CD36: variants seen among roughly 807,000 people sequenced by gnomAD.
The protein encoded by CD36 is CD36 molecule (CD36 blood group), also known as platelet glycoprotein 4.
In CD36, 119 loss-of-function variants were observed where a neutral mutation model predicts 55.2. The ratio of observed to expected loss-of-function variants is 2.15; its 90% confidence interval spans 1.86 to 2.51. The LOEUF (loss-of-function observed/expected upper bound fraction) is 2.51. CD36 is among the 30% of genes most tolerant of loss of function. CD36 has a pLI of 0.00. For missense variants in CD36, 819 were observed against 555.5 expected (o/e 1.47, Z -4.77); for synonymous variants, 186 against 193.6 (o/e 0.96, Z 0.33).
chr7:80,608,465 C>T (rs1181494964), intron 1 of CD36, among the ~76,000 whole-genome samples: 1 of 152,140 alleles, frequency 6.6e-6, no homozygotes, highest in East Asian at 1.9e-4. Context: ...AACATGCCTA[C>T]CTCATAGGGT....
chr7:80,604,800 A>C (rs1426382441), intron 1 of CD36, among the ~76,000 whole-genome samples: 3 of 152,114 alleles, frequency 2.0e-5, no homozygotes, highest in African/African-American at 4.8e-5. Context: ...CCTTCTCATT[A>C]AGTCTTATAA....
At chr7:80,613,318 C>A (rs1213538303) in intron 1 of CD36, among the ~76,000 whole-genome samples, 1 of 151,972 alleles carries the variant, frequency 6.6e-6, no homozygotes, top group African/African-American at 2.4e-5. Context: ...GAGGGTTGCT[C>A]TTAAAATATG....
upstream of CD36, among the ~76,000 whole-genome samples, chr7:80,636,515 C>T (rs563365302): frequency 6.8e-6 from 1 of 147,178 alleles, no homozygotes; most frequent in Non-Finnish European, 1.5e-5. Context: ...CAATTTCTAA[C>T]CCTATGTGAT....
intron 1 of CD36, among the ~76,000 whole-genome samples, chr7:80,625,325 C>T (rs191572150): frequency 1.3e-5 from 2 of 152,204 alleles, no homozygotes; most frequent in East Asian, 3.9e-4. Context: ...TTTATTTGGA[C>T]TTGTATTGTG....
chr7:80,653,533 G>A (rs540414325), intron 3 of CD36, among the ~76,000 whole-genome samples: 24 of 152,286 alleles, frequency 1.6e-4, no homozygotes, highest in African/African-American at 4.8e-4. Context: ...AAATCCAGTT[G>A]TTGTTGGGGC....
chr7:80,629,050 T>C (rs1562779417), intron 1 of CD36, among the ~76,000 whole-genome samples: 1 of 152,068 alleles, frequency 6.6e-6, no homozygotes, highest in East Asian at 1.9e-4. Flanking sequence ...TCTTTTAGCT[T>C]AGTGATTTTG....
In CD36 at chr7:80,651,258, C is replaced by A. The variant is rs544101192; in HGVS notation, c.120+4398C>A. ...TCGAGGGTGGGAAGGGGGAGGAGAG[C>A]GGAGGATCAAAAAACTACCTATCAG... On this transcript the variant is annotated intron_variant, in intron 3 of 14. Transcript: ENST00000447544. Among the ~76,000 whole-genome samples, 8 of 151,944 alleles carry A rather than the reference C, an allele frequency of 5.3e-5. No homozygotes were observed. The South Asian group carries it at 1.2e-3, about 24-fold the overall frequency.
intron 4 of CD36, among the ~76,000 whole-genome samples, chr7:80,658,484 TTC>T (rs1796267076): frequency 6.6e-6 from 1 of 152,056 alleles, no homozygotes; most frequent in African/African-American, 2.4e-5. Flanking sequence ...TATTTTTCAC[TTC>T]TGTTTTTAAT....
At chr7:80,642,187 T>C (rs1001999502) in intron 1 of CD36, among the ~76,000 whole-genome samples, 1 of 152,128 alleles carries the variant, frequency 6.6e-6, no homozygotes, top group Admixed American at 6.6e-5. Context: ...TTTCTAAATT[T>C]AAGTATTTTA....
At chr7:80,673,303 A>T in intron 12 of CD36, 52 bp from the exon 13 acceptor site, 1 of 810,030 alleles carries the variant, frequency 1.2e-6, no homozygotes, top group Non-Finnish European at 2.0e-6. Context: ...AAAGTTTGTT[A>T]TATATAAATA....
intron 1 of CD36, among the ~76,000 whole-genome samples, chr7:80,607,251 C>T (rs1337575156): frequency 6.6e-6 from 1 of 150,806 alleles, no homozygotes; most frequent in Admixed American, 6.6e-5. Context: ...GCAACTGAAA[C>T]AATCTGAATG....
intron 13 of CD36, chr7:80,673,616 T>C (rs960409718): frequency 5.3e-6 from 3 of 569,918 alleles, no homozygotes; most frequent in Non-Finnish European, 9.4e-6. Context: ...AAAATGCATC[T>C]ATTAAACACA....
chr7:80,605,736 T>G (rs1255705634), intron 1 of CD36, among the ~76,000 whole-genome samples: 1 of 152,170 alleles, frequency 6.6e-6, no homozygotes, highest in Non-Finnish European at 1.5e-5. Flanking sequence ...TCATCTGAAA[T>G]GGGGAATAAA....
At chr7:80,631,951 G>T (rs934495759) in intron 1 of CD36, among the ~76,000 whole-genome samples, 4 of 151,734 alleles carry the variant, frequency 2.6e-5, no homozygotes, top group African/African-American at 9.7e-5. Flanking sequence ...TAATTCTATA[G>T]ATGCTTAGAA....
intron 13 of CD36, 148 bp from the exon 14 acceptor site, chr7:80,673,835 C>T: frequency 1.5e-6 from 1 of 689,624 alleles, no homozygotes; most frequent in Non-Finnish European, 2.6e-6. Context: ...CCTTTCTTGA[C>T]TTGCAAAAGG....
At chr7:80,661,712 C>G (rs1296433281) in intron 5 of CD36, among the ~76,000 whole-genome samples, 1 of 152,092 alleles carries the variant, frequency 6.6e-6, no homozygotes, top group African/African-American at 2.4e-5. Context: ...AACAAAAGCA[C>G]TTTGCAATTT....
intron 1 of CD36, among the ~76,000 whole-genome samples, chr7:80,608,518 A>G (rs541231989): frequency 6.6e-6 from 1 of 152,356 alleles, no homozygotes; most frequent in South Asian, 2.1e-4. Flanking sequence ...AAATACTCAT[A>G]CAAGTGTCTT....
chr7:80,660,490 C>CT (rs1448557159), intron 4 of CD36, among the ~76,000 whole-genome samples: 3 of 152,128 alleles, frequency 2.0e-5, no homozygotes, highest in Non-Finnish European at 4.4e-5. Flanking sequence ...AGCCCCTGTA[C>CT]TTTTTCCTCC....
chr7:80,674,147 A>AGTAAGTATG lies in CD36; in HGVS notation c.*1_*9dup. The AGTAAGTATG allele has an allele frequency of 1.3e-6, 2 of 1,560,302 alleles. No homozygotes were observed. Among genetic ancestry groups the AGTAAGTATG allele is most frequent in the East Asian group, 4.5e-5 (2 of 44,420 alleles). The stretch of plus-strand genomic sequence containing the variant: ...CATGCAGATCGAAAACAATAAAATA[A>AGTAAGTATG]GTAAGTATGTACCAAAAAATATTGC... On this transcript the variant is annotated splice_region_variant and 3_prime_UTR_variant. Transcript: ENST00000447544.
Sources: allele counts gnomAD v4.1 joint callset (sites outside exome capture counted in the v4.1 genomes callset), GRCh38; gene constraint gnomAD v4.1.1; transcripts MANE v1.5; gene names NCBI Gene and HGNC (gene_info 2026-07-23, HGNC 2026-07-21).